The following LRRC4C variants were observed in gnomAD, a reference collection of about 807,000 sequenced individuals.
The protein encoded by LRRC4C is leucine-rich repeat-containing protein 4C.
LRRC4C carries 5 observed loss-of-function variants against 33.6 expected under a neutral mutation model. The ratio of observed to expected loss-of-function variants is 0.15; its 90% CI spans 0.08 to 0.31. The LOEUF (loss-of-function observed/expected upper bound fraction) is 0.31. LRRC4C is among the 10% of genes least tolerant of loss of function. LRRC4C has a pLI of 1.00. For synonymous variants in LRRC4C, 329 were observed against 302.0 expected, an observed-to-expected ratio of 1.09 and a Z score of -0.93; for missense variants, 560 against 796.7, an observed-to-expected ratio of 0.70 and a Z score of 3.58.
At chr11:41,173,421 T>C (rs1945062097) in intron 1 of LRRC4C, among the ~76,000 whole-genome samples, 1 of 152,176 alleles carries the variant, frequency 6.6e-6, no homozygotes, top group South Asian at 2.1e-4. Context: ...GCCTCTTTAT[T>C]TACCCTTTGA....
At chr11:41,167,775 C>T (rs1026960927) in intron 1 of LRRC4C, among the ~76,000 whole-genome samples, 1 of 152,096 alleles carries the variant, frequency 6.6e-6, no homozygotes, top group Admixed American at 6.6e-5. Context: ...CCTCACACTC[C>T]CCAGTCATGA....
At position 41,188,463 on chromosome 11, in the gene LRRC4C, C is replaced by A. The variant is rs899107234; in HGVS notation, c.-495-254740G>T. ...CTTCGGAGTTAGACTACCTGGAAGC[C>A]AATCCCAGCTTAATCTCTTACTGGC... On this transcript the variant is annotated intron_variant, in intron 1 of 6. Transcript: ENST00000528697. 1.9e-4 allele frequency among the ~76,000 whole-genome samples: 29 copies of A among 151,890 alleles called. 1 individual carries two copies. The highest frequency in any genetic ancestry group is 1.9e-3 in the Admixed American group (29 of 15,248).
At chr11:41,096,465 G>A (rs1391100986) in intron 1 of LRRC4C, among the ~76,000 whole-genome samples, 1 of 152,140 alleles carries the variant, frequency 6.6e-6, no homozygotes, top group Non-Finnish European at 1.5e-5. Flanking sequence ...TTAATCAGCA[G>A]CAATGGATGG....
At chr11:41,185,084 C>A (rs187370196) in intron 1 of LRRC4C, among the ~76,000 whole-genome samples, 51 of 152,196 alleles carry the variant, frequency 3.4e-4, no homozygotes, top group African/African-American at 1.2e-3. Context: ...TCCCATGACA[C>A]ATGGGAATTG....
chr11:40,807,898 C>A (rs1213152620), intron 2 of LRRC4C, among the ~76,000 whole-genome samples: 1 of 152,114 alleles, frequency 6.6e-6, no homozygotes, highest in Non-Finnish European at 1.5e-5. Context: ...TGCCAGGGTG[C>A]AGTAGCCTAG....
intron 1 of LRRC4C, among the ~76,000 whole-genome samples, chr11:41,110,514 A>G (rs1300267542): frequency 1.3e-5 from 2 of 152,112 alleles, no homozygotes; most frequent in African/African-American, 4.8e-5. Context: ...GTACTCCTAG[A>G]TGTCAAGCTA....
At chr11:41,091,432 C>A (rs957655827) in intron 1 of LRRC4C, among the ~76,000 whole-genome samples, 29 of 151,806 alleles carry the variant, frequency 1.9e-4, no homozygotes, top group Admixed American at 1.3e-3. Context: ...CTAATGACAC[C>A]AGCAGACAAG....
At chr11:40,569,832 AATC>A in intron 3 of LRRC4C, among the ~76,000 whole-genome samples, 1 of 152,204 alleles carries the variant, frequency 6.6e-6, no homozygotes, top group African/African-American at 2.4e-5. Context: ...ATAATTTGTG[AATC>A]AATAAAAAGT....
intron 5 of LRRC4C, among the ~76,000 whole-genome samples, chr11:40,226,251 C>G (rs1411394481): frequency 6.6e-6 from 1 of 152,144 alleles, no homozygotes; most frequent in Non-Finnish European, 1.5e-5. Context: ...AGTATATCGG[C>G]AACAATGATA....
chr11:40,416,035 A>G (rs1219410776), intron 3 of LRRC4C, among the ~76,000 whole-genome samples: 3 of 152,242 alleles, frequency 2.0e-5, no homozygotes, highest in African/African-American at 7.2e-5. Flanking sequence ...TTTATAATTT[A>G]AAATTGTATT....
At chr11:40,451,940 T>G (rs1244221915) in intron 3 of LRRC4C, among the ~76,000 whole-genome samples, 2 of 152,034 alleles carry the variant, frequency 1.3e-5, no homozygotes, top group Non-Finnish European at 2.9e-5. Context: ...AGACAGTGGG[T>G]GCAGGACAGT....
intron 1 of LRRC4C, among the ~76,000 whole-genome samples, chr11:41,149,296 G>A (rs759405557): frequency 2.6e-5 from 4 of 152,002 alleles, no homozygotes; most frequent in Non-Finnish European, 5.9e-5. Context: ...ACGAGGTCAG[G>A]AGATCGAGAC....
At chr11:40,562,560 G>A (rs1053614234) in intron 3 of LRRC4C, among the ~76,000 whole-genome samples, 2 of 152,048 alleles carry the variant, frequency 1.3e-5, no homozygotes, top group South Asian at 2.1e-4. Flanking sequence ...ACACTTGCAC[G>A]AATCACAAAT....
intron 5 of LRRC4C, among the ~76,000 whole-genome samples, chr11:40,151,392 A>G (rs973647778): frequency 6.6e-6 from 1 of 152,174 alleles, no homozygotes; most frequent in Non-Finnish European, 1.5e-5. Flanking sequence ...TGGCATGCAT[A>G]CACCCAGTAC....
At chr11:41,458,115 T>C (rs1016375375) in intron 1 of LRRC4C, among the ~76,000 whole-genome samples, 1 of 152,182 alleles carries the variant, frequency 6.6e-6, no homozygotes, top group Non-Finnish European at 1.5e-5. Context: ...ATCTATTATG[T>C]TACAATTTGC....
chr11:40,334,924 G>A (rs1271906033), intron 3 of LRRC4C, among the ~76,000 whole-genome samples: 1 of 152,054 alleles, frequency 6.6e-6, no homozygotes, highest in Non-Finnish European at 1.5e-5. Context: ...AAACTCATTC[G>A]TCTGATCATT....
intron 1 of LRRC4C, among the ~76,000 whole-genome samples, chr11:40,936,760 A>G (rs916599902): frequency 3.3e-5 from 5 of 152,232 alleles, no homozygotes; most frequent in Non-Finnish European, 2.9e-5. Flanking sequence ...ATTTAAAAAT[A>G]TAAAAACAGA....
At chr11:40,834,379 G>T (rs1018133042) in intron 2 of LRRC4C, among the ~76,000 whole-genome samples, 1 of 151,610 alleles carries the variant, frequency 6.6e-6, no homozygotes, top group African/African-American at 2.4e-5. Context: ...GCTGAGGCAG[G>T]AGAATCGCTT....
chr11:40,485,397 A>G (rs1953806290), intron 3 of LRRC4C, among the ~76,000 whole-genome samples: 1 of 151,862 alleles, frequency 6.6e-6, no homozygotes, highest in South Asian at 2.1e-4. Flanking sequence ...CATATATTAG[A>G]GTTACATGTT....
Sources: gnomAD v4.1 joint callset for allele counts (sites outside exome capture counted in the v4.1 genomes callset) on GRCh38, gnomAD v4.1.1 for gene constraint, MANE v1.5 for transcripts, NCBI Gene and HGNC (gene_info 2026-07-23, HGNC 2026-07-21) for gene names.